The following LAMA4 variants were observed in gnomAD, a reference collection of about 807,000 sequenced individuals.
LAMA4 encodes laminin subunit alpha-4.
In LAMA4, 127 loss-of-function variants were observed where a neutral mutation model predicts 207.1. The observed-to-expected ratio is 0.61, with a 90% CI of 0.53 to 0.71. The LOEUF (loss-of-function observed/expected upper bound fraction) is 0.71, where lower values mean the gene tolerates loss of function less well. Ranked by LOEUF, LAMA4 falls within the 30% of genes least tolerant of loss-of-function variation. LAMA4 has a pLI of 0.00. For synonymous variants in LAMA4, 761 were observed against 816.0 expected, an observed-to-expected ratio of 0.93 and a Z score of 1.15; for missense variants, 2,093 against 2,246.5, an observed-to-expected ratio of 0.93 and a Z score of 1.38.
At chr6:112,130,192 G>A in intron 29 of LAMA4, 152 bp from the exon 30 acceptor site, 1 of 658,688 alleles carries the variant, frequency 1.5e-6, no homozygotes. Flanking sequence ...ATGAGGCCCA[G>A]GATAAAATGG....
chr6:112,172,437 G>C (rs782564570), intron 12 of LAMA4, 174 bp downstream of exon 12: 1 of 639,028 alleles, frequency 1.6e-6, no homozygotes. Flanking sequence ...GTTTCAACTT[G>C]ATTTTAGGAA....
At chr6:112,243,279 C>T (rs976610338) in intron 2 of LAMA4, among the ~76,000 whole-genome samples, 1 of 152,098 alleles carries the variant, frequency 6.6e-6, no homozygotes, top group African/African-American at 2.4e-5. Flanking sequence ...AACCACCCCT[C>T]CCCACCCCCT....
chr6:112,190,495 A>C (rs138566324), intron 6 of LAMA4, among the ~76,000 whole-genome samples: 73 of 152,350 alleles, frequency 4.8e-4, no homozygotes, highest in African/African-American at 1.7e-3. Context: ...GAGGCATGCC[A>C]CAGGAGTACA....
chr6:112,108,165 A>G lies in LAMA4; in HGVS notation c.*1272T>C, dbSNP rs1777525459. The stretch of plus-strand genomic sequence containing the variant: ...ATTCCCCTTGGTAATTCCTCAAAAT[A>G]TTTTATATCCTCTCCCCTCAAAAGT... On this transcript the variant is annotated 3_prime_UTR_variant, in exon 39 of 39. Transcript: ENST00000230538. 6.6e-6 allele frequency among the ~76,000 whole-genome samples: 1 copy of G among 152,018 alleles called. No individual in the cohort carries two copies. Among genetic ancestry groups the G allele is most frequent in the Non-Finnish European group, 1.5e-5 (1 of 67,994 alleles).
rs1474506639 is a variant in LAMA4 at position 112,117,092 on chromosome 6, C to T, written c.4981+647G>A. Among the ~76,000 whole-genome samples, 4 of 152,104 alleles carry T rather than the reference C, an allele frequency of 2.6e-5. No homozygotes were observed. The highest frequency in any genetic ancestry group is 7.2e-5 in the African/African-American group (3 of 41,416). On this transcript the variant is annotated intron_variant, in intron 35 of 38. Transcript: ENST00000230538. This position sits in a 1 kb window ranked among gnomAD's most constrained non-coding sequence, Gnocchi z 4.5. ...TTTATACCCTTTCCTATCCTAATTCCGGGCACTTATTCTGGTGTCTTCCTC... is the reference window on the plus strand; with the variant it reads ...TTTATACCCTTTCCTATCCTAATTCTGGGCACTTATTCTGGTGTCTTCCTC...
intron 16 of LAMA4, among the ~76,000 whole-genome samples, chr6:112,152,259 G>C (rs551376041): frequency 1.3e-5 from 2 of 152,080 alleles, no homozygotes; most frequent in African/African-American, 2.4e-5. Context: ...AGAATTCACT[G>C]GGGCAGCCAT....
chr6:112,156,326 C>G (rs1343347770), intron 14 of LAMA4, among the ~76,000 whole-genome samples: 1 of 152,138 alleles, frequency 6.6e-6, no homozygotes, highest in Non-Finnish European at 1.5e-5. Context: ...ACCCATCACA[C>G]AGGGTACTTG....
At chr6:112,173,285 T>C (rs1401878692) in intron 11 of LAMA4, among the ~76,000 whole-genome samples, 4 of 152,184 alleles carry the variant, frequency 2.6e-5, no homozygotes, top group African/African-American at 9.7e-5. Context: ...ATGATTTTGG[T>C]GGAAAAAAGA....
chr6:112,141,540 A>G (rs782188414), intron 20 of LAMA4, 37 bp from the exon 21 acceptor site: 5 of 1,443,516 alleles, frequency 3.5e-6, no homozygotes, highest in Non-Finnish European at 4.9e-6. Context: ...TTTAAATAAA[A>G]TTCATAAGAA....
At chr6:112,145,450 T>A (rs1249921775) in intron 18 of LAMA4, among the ~76,000 whole-genome samples, 1 of 152,172 alleles carries the variant, frequency 6.6e-6, no homozygotes, top group Non-Finnish European at 1.5e-5. Flanking sequence ...AGGAACTGGC[T>A]TGTACCTGGA....
In LAMA4 at chr6:112,254,206, T is replaced by C. The variant is rs1240238198; in HGVS notation, c.-56A>G. 3 of 1,608,486 alleles carry C rather than the reference T, an allele frequency of 1.9e-6. No individual in the cohort carries two copies. Among genetic ancestry groups the C allele is most frequent in the Non-Finnish European group, 2.5e-6 (3 of 1,178,698 alleles). ...AGGGCTCGGGCGCTGTGGGTCTCCG[T>C]AGGTCTCCCGCGTGGTGCGGCGGTG... On this transcript the variant is annotated 5_prime_UTR_variant, in exon 2 of 39. Transcript: ENST00000230538.
chr6:112,248,333 A>G (rs1787155963), intron 2 of LAMA4, among the ~76,000 whole-genome samples: 1 of 152,060 alleles, frequency 6.6e-6, no homozygotes, highest in Non-Finnish European at 1.5e-5. Flanking sequence ...ACCCGTCTCT[A>G]CTAAAAATAC....
At chr6:112,139,958 C>A (rs1779591547) in intron 22 of LAMA4, 73 bp from the exon 23 acceptor site, 2 of 1,478,070 alleles carry the variant, frequency 1.4e-6, no homozygotes, top group Non-Finnish European at 1.9e-6. Context: ...ACAGACAATG[C>A]AACTAATAGT....
intron 11 of LAMA4, among the ~76,000 whole-genome samples, chr6:112,173,873 C>T (rs1382409747): frequency 2.0e-5 from 3 of 152,054 alleles, no homozygotes; most frequent in Non-Finnish European, 4.4e-5. Context: ...AGAGTGTGTT[C>T]TAAAATGCAT....
At chr6:112,211,571 A>G (rs377764887) in intron 3 of LAMA4, among the ~76,000 whole-genome samples, 3 of 152,206 alleles carry the variant, frequency 2.0e-5, no homozygotes, top group South Asian at 4.1e-4. Flanking sequence ...AGAACAATAC[A>G]GTGTGTGAAG....
At chr6:112,129,101 A>T in intron 30 of LAMA4, 26 bp from the exon 31 acceptor site, 1 of 1,567,432 alleles carries the variant, frequency 6.4e-7, no homozygotes, top group Non-Finnish European at 8.8e-7. Context: ...AGGAAAAAAT[A>T]AATATTAAAA....
chr6:112,190,896 TTTCTTTCTTTCTTTC>T (rs1782994958), intron 6 of LAMA4, among the ~76,000 whole-genome samples: 1 of 77,358 alleles, frequency 1.3e-5, no homozygotes, highest in African/African-American at 5.0e-5. Context: ...TCTTTCTTTC[TTTCTTTCTTTCTTTC>T]TTTCTTTCTT....
intron 2 of LAMA4, 31 bp downstream of exon 2, chr6:112,253,925 C>A: frequency 1.2e-6 from 2 of 1,610,860 alleles, no homozygotes; most frequent in Non-Finnish European, 1.7e-6. Context: ...GCAGGTGCCC[C>A]AGCAGGGTGG....
intron 22 of LAMA4, 113 bp downstream of exon 22, chr6:112,140,647 G>T: frequency 1.1e-6 from 1 of 934,868 alleles, no homozygotes; most frequent in Non-Finnish European, 1.7e-6. Context: ...ACTCCCCCAT[G>T]AACTAAGCTC....
Sources: allele counts gnomAD v4.1 joint callset (sites outside exome capture counted in the v4.1 genomes callset), GRCh38; gene constraint gnomAD v4.1.1; non-coding constraint Gnocchi (gnomAD v3.1); transcripts MANE v1.5; gene names NCBI Gene and HGNC (gene_info 2026-07-23, HGNC 2026-07-21).